The following GBF1 variants were observed in gnomAD, a reference collection of about 807,000 sequenced individuals.
The protein encoded by GBF1 is Golgi-specific brefeldin A-resistance guanine nucleotide exchange factor 1.
Under a neutral mutation model 210.5 loss-of-function variants are expected in GBF1, and 114 were observed. The observed-to-expected ratio is 0.54, with a 90% CI of 0.47 to 0.63. GBF1 has a LOEUF of 0.63. Ranked by LOEUF, GBF1 falls within the 30% of genes least tolerant of loss-of-function variation. The pLI is 0.00. For missense variants in GBF1, 1,851 were observed against 2,357.7 expected (o/e 0.79, Z 4.45); for synonymous variants, 850 against 889.2 (o/e 0.96, Z 0.78).
the GBF1 span, among the ~76,000 whole-genome samples, chr10:102,235,944 A>G: frequency 1.3e-5 from 2 of 152,246 alleles, no homozygotes; most frequent in Admixed American, 6.5e-5. Flanking sequence ...AGGGACTGGT[A>G]GAGGAAAGAA....
At position 102,377,030 on chromosome 10, in the gene GBF1, C is replaced by T. The variant is rs1462360035; in HGVS notation, c.4384C>T (p.Arg1462Trp). Reference protein sequence around the residue: ...KKSKEGSMLRRPRTSSQHASR... With the variant: ...KKSKEGSMLRWPRTSSQHASR... The stretch of plus-strand genomic sequence containing the variant: ...ATCCAAAGAGGGATCAATGCTTCGC[C>T]GGCCTCGAACCTCCAGCCAACATGC... The change falls in exon 33 of 40, where the codon CGG becomes TGG. Residue 1462 changes from arginine to tryptophan, a missense_variant. Physicochemically the swap from Arg to Trp is moderately radical, Grantham distance 101. Coordinates refer to ENST00000369983, the MANE Select transcript of GBF1 (RefSeq NM_001377137.1). The T allele has an allele frequency of 6.2e-7, 1 of 1,613,948 alleles. No homozygotes were observed. Among genetic ancestry groups the T allele is most frequent in the Non-Finnish European group, 8.5e-7 (1 of 1,179,948 alleles).
chr10:102,318,976 T>C (rs752405430), intron 3 of GBF1, among the ~76,000 whole-genome samples: 3 of 151,966 alleles, frequency 2.0e-5, no homozygotes, highest in Non-Finnish European at 4.4e-5. Flanking sequence ...AATCCCAGCA[T>C]TTTGGGAAGC....
At chr10:102,293,771 G>GTTTTTTTTTTTTT (rs56722082) in intron 3 of GBF1, among the ~76,000 whole-genome samples, 20 of 22,886 alleles carry the variant, frequency 8.7e-4, no homozygotes, top group African/African-American at 3.0e-3. Context: ...TATGTTTTGT[G>GTTTTTTTTTTTTT]TTTTTTTTTT....
chr10:102,344,966 A>G (rs553656493), intron 4 of GBF1, among the ~76,000 whole-genome samples: 34 of 152,288 alleles, frequency 2.2e-4, no homozygotes, highest in African/African-American at 7.5e-4. Flanking sequence ...CTATGTCTTT[A>G]TAAATGAAGT....
At position 102,382,297 on chromosome 10, in the gene GBF1, C is replaced by T; in HGVS notation, c.5544C>T (p.Pro1848=). The change falls in exon 40 of 40, where the codon CCC becomes CCT. Residue 1848 remains proline (P), a synonymous_variant. Coordinates refer to ENST00000369983, the MANE Select transcript of GBF1 (RefSeq NM_001377137.1). Reference sequence around the variant, plus strand: ...CACCAGTGCCCCTCCTGGCCACACCCCGCCCCACAGATCCCATACCCACCT... The same window carrying T: ...CACCAGTGCCCCTCCTGGCCACACCTCGCCCCACAGATCCCATACCCACCT... ...ATSPVPLLAT[P]RPTDPIPTSE... 1 of 1,613,614 alleles carries T rather than the reference C, an allele frequency of 6.2e-7. No homozygotes were observed. The highest frequency in any genetic ancestry group is 8.5e-7 in the Non-Finnish European group (1 of 1,179,736).
chr10:102,365,125 C>T (rs186006773), intron 17 of GBF1, among the ~76,000 whole-genome samples: 32 of 152,308 alleles, frequency 2.1e-4, no homozygotes, highest in Non-Finnish European at 3.4e-4. Context: ...TTCTACTTTT[C>T]CCCCAATCCT....
chr10:102,231,087 G>A, the GBF1 span: 2 of 1,558,272 alleles, frequency 1.3e-6, no homozygotes, highest in Non-Finnish European at 8.7e-7. Context: ...TGGCGCGCCG[G>A]TTCTTGAACC....
At chr10:102,297,401 T>G (rs1479298164) in intron 3 of GBF1, among the ~76,000 whole-genome samples, 1 of 152,214 alleles carries the variant, frequency 6.6e-6, no homozygotes, top group African/African-American at 2.4e-5. Flanking sequence ...CAGTTTTGTT[T>G]TATGTATGTT....
chr10:102,255,586 G>A (rs2072234762), intron 1 of GBF1, among the ~76,000 whole-genome samples: 1 of 152,120 alleles, frequency 6.6e-6, no homozygotes, highest in South Asian at 2.1e-4. Context: ...TCTTTCCCTG[G>A]AGGCCGTAAC....
chr10:102,319,379 A>G (rs1311512149), intron 3 of GBF1, among the ~76,000 whole-genome samples: 1 of 152,074 alleles, frequency 6.6e-6, no homozygotes, highest in Non-Finnish European at 1.5e-5. Context: ...GTCTCTAAAA[A>G]AAAAGATCTT....
At chr10:102,305,455 C>G (rs991778249) in intron 3 of GBF1, among the ~76,000 whole-genome samples, 1 of 151,654 alleles carries the variant, frequency 6.6e-6, no homozygotes. Flanking sequence ...GTGAAAAATA[C>G]AAAAATTAGC....
At chr10:102,248,347 G>A (rs1288052202) in intron 1 of GBF1, among the ~76,000 whole-genome samples, 1 of 151,776 alleles carries the variant, frequency 6.6e-6, no homozygotes, top group Non-Finnish European at 1.5e-5. Flanking sequence ...TAATAAAGCA[G>A]TGTGCTGATT....
intron 3 of GBF1, among the ~76,000 whole-genome samples, chr10:102,276,725 G>T (rs1317991472): frequency 6.6e-6 from 1 of 151,948 alleles, no homozygotes; most frequent in African/African-American, 2.4e-5. Context: ...TAGAGAATGG[G>T]AAATATTTGG....
the GBF1 span, among the ~76,000 whole-genome samples, chr10:102,235,291 A>C: frequency 6.6e-6 from 1 of 151,546 alleles, no homozygotes; most frequent in African/African-American, 2.4e-5. Flanking sequence ...TCTGCACTGG[A>C]TGCTGCTGAG....
chr10:102,342,496 A>G (rs1037618868), intron 3 of GBF1, among the ~76,000 whole-genome samples: 2 of 151,978 alleles, frequency 1.3e-5, no homozygotes, highest in African/African-American at 4.8e-5. Context: ...GAAGAGAAGC[A>G]GGTTTTTTTT....
At chr10:102,351,973 C>T (rs772993895) in intron 6 of GBF1, 22 bp downstream of exon 6, 7 of 1,254,362 alleles carry the variant, frequency 5.6e-6, no homozygotes, top group Non-Finnish European at 5.9e-6. Context: ...GATATTAGCC[C>T]CTTCACCATT....
the GBF1 span, among the ~76,000 whole-genome samples, chr10:102,234,816 G>T: frequency 5.3e-5 from 8 of 152,250 alleles, no homozygotes; most frequent in African/African-American, 1.7e-4. Flanking sequence ...CTCCCGACTT[G>T]CAGTTTTCCA....
At chr10:102,376,157 A>T in intron 30 of GBF1, 115 bp from the exon 31 acceptor site, 1 of 749,838 alleles carries the variant, frequency 1.3e-6, no homozygotes, top group Admixed American at 2.4e-5. Context: ...AAATTAAACT[A>T]TGCCAGAGAG....
intron 4 of GBF1, among the ~76,000 whole-genome samples, chr10:102,347,650 A>T (rs1284754213): frequency 6.6e-6 from 1 of 152,202 alleles, no homozygotes; most frequent in Non-Finnish European, 1.5e-5. Flanking sequence ...AAGAAAGCAA[A>T]GGAGATGGGA....
Sources: allele counts gnomAD v4.1 joint callset (sites outside exome capture counted in the v4.1 genomes callset), GRCh38; gene constraint gnomAD v4.1.1; transcripts MANE v1.5; gene names NCBI Gene and HGNC (gene_info 2026-07-23, HGNC 2026-07-21).